The following FBXL13 variants were observed in gnomAD, a reference collection of about 807,000 sequenced individuals.
The protein encoded by FBXL13 is F-box and leucine rich repeat protein 13.
Under a neutral mutation model 83.6 loss-of-function variants are expected in FBXL13, and 67 were observed. That is an observed-to-expected ratio of 0.80 (90% confidence interval 0.66 to 0.98). FBXL13 has a LOEUF of 0.98. Ranked by LOEUF, FBXL13 falls within the 50% of genes least tolerant of loss-of-function variation. The probability of loss-of-function intolerance (pLI) is 0.00; values close to 1 mark genes in which losing one functional copy is unlikely to be tolerated. For synonymous variants in FBXL13, 272 were observed against 299.5 expected, an observed-to-expected ratio of 0.91 and a Z score of 0.95; for missense variants, 822 against 866.5, an observed-to-expected ratio of 0.95 and a Z score of 0.64.
At chr7:102,982,910 T>C (rs1460536295) in intron 6 of FBXL13, among the ~76,000 whole-genome samples, 2 of 152,226 alleles carry the variant, frequency 1.3e-5, no homozygotes, top group African/African-American at 2.4e-5. Flanking sequence ...AGAGAACTCA[T>C]GTGAATAAAC....
intron 7 of FBXL13, among the ~76,000 whole-genome samples, chr7:102,966,217 G>A (rs1033337770): frequency 2.6e-5 from 4 of 152,192 alleles, no homozygotes; most frequent in South Asian, 2.1e-4. Flanking sequence ...AGTGATTCTC[G>A]AACTTTAGCC....
chr7:102,857,720 T>C (rs2129451857), intron 16 of FBXL13: 1 of 152,064 alleles, frequency 6.6e-6, no homozygotes, highest in East Asian at 1.9e-4. Context: ...ATATGAAAAA[T>C]CATCATCAGG....
At chr7:103,017,425 C>G (rs1219272242) in intron 6 of FBXL13, among the ~76,000 whole-genome samples, 4 of 152,168 alleles carry the variant, frequency 2.6e-5, no homozygotes, top group Non-Finnish European at 5.9e-5. Context: ...CACCTCTCCC[C>G]CTCCAAAGGA....
chr7:102,981,241 A>C (rs2129483431), intron 6 of FBXL13, among the ~76,000 whole-genome samples: 1 of 152,310 alleles, frequency 6.6e-6, no homozygotes, highest in South Asian at 2.1e-4. Flanking sequence ...CATACAGAGA[A>C]AGAACAAATG....
At chr7:102,910,369 G>GT (rs1052767740) in intron 11 of FBXL13, among the ~76,000 whole-genome samples, 29 of 151,386 alleles carry the variant, frequency 1.9e-4, no homozygotes, top group African/African-American at 7.1e-4. Context: ...TTATGAAGGT[G>GT]TTTTTTCTTT....
intron 2 of FBXL13, among the ~76,000 whole-genome samples, chr7:103,034,429 G>A (rs1363542154): frequency 6.6e-6 from 1 of 152,242 alleles, no homozygotes; most frequent in Non-Finnish European, 1.5e-5. Context: ...ATTGAGCACA[G>A]CAGCTGCTGG....
chr7:102,865,281 CT>C (rs1488752504), intron 16 of FBXL13, among the ~76,000 whole-genome samples: 1 of 152,148 alleles, frequency 6.6e-6, no homozygotes, highest in African/African-American at 2.4e-5. Flanking sequence ...AAGATTTGCT[CT>C]GTTTGGTATT....
At chr7:102,866,893 C>A (rs540195314) in intron 16 of FBXL13, among the ~76,000 whole-genome samples, 17 of 152,300 alleles carry the variant, frequency 1.1e-4, no homozygotes, top group Admixed American at 2.0e-4. Flanking sequence ...TGTCTCTGCT[C>A]TTGGGAAGCT....
chr7:102,926,159 G>T, intron 10 of FBXL13, 115 bp downstream of exon 11: 2 of 772,798 alleles, frequency 2.6e-6, no homozygotes, highest in Non-Finnish European at 4.2e-6. Context: ...GAAAAGCAGT[G>T]CCACAGTGGT....
chr7:102,904,885 G>C lies in FBXL13; in HGVS notation c.1008+8201C>G, dbSNP rs144804113. Among the ~76,000 whole-genome samples the C allele has an allele frequency of 2.9e-3, 438 of 152,164 alleles. 11 individuals are homozygous for C. In the East Asian group the frequency reaches 0.048, roughly 17 times the overall value. ...TCATTGGCCCACTGGTCATTCAGGA[G>C]CATATTGTTTAACTTCCACATATTT... On this transcript the variant is annotated intron_variant, in intron 11 of 19. Coordinates refer to ENST00000313221, the Ensembl canonical transcript of FBXL13.
chr7:103,070,221 T>C (rs908552027), intron 1 of FBXL13, among the ~76,000 whole-genome samples: 1 of 152,134 alleles, frequency 6.6e-6, no homozygotes, highest in Admixed American at 6.5e-5. Flanking sequence ...TTTAATTTTA[T>C]GTATTTATTT....
intron 8 of FBXL13, among the ~76,000 whole-genome samples, chr7:102,953,673 A>G (rs1823783254): frequency 6.6e-6 from 1 of 152,194 alleles, no homozygotes; most frequent in Non-Finnish European, 1.5e-5. Context: ...TAAAAAGGTG[A>G]ATTTTATGTT....
At chr7:102,971,463 G>A (rs961095595) in intron 6 of FBXL13, among the ~76,000 whole-genome samples, 2 of 151,968 alleles carry the variant, frequency 1.3e-5, no homozygotes, top group African/African-American at 4.8e-5. Context: ...CAGGCGTGGT[G>A]GCACATGCCT....
At chr7:102,887,997 A>T (rs1026838632) in intron 11 of FBXL13, among the ~76,000 whole-genome samples, 7 of 152,332 alleles carry the variant, frequency 4.6e-5, no homozygotes, top group African/African-American at 1.2e-4. Flanking sequence ...AAGCCCTTGG[A>T]CAGTTTTTGA....
At chr7:103,034,964 G>A (rs58593428) in intron 2 of FBXL13, among the ~76,000 whole-genome samples, 1,895 of 152,248 alleles carry the variant, frequency 0.012, 39 homozygotes, top group African/African-American at 0.043. Flanking sequence ...GTGGGAAAAC[G>A]AATTAAAAGT....
At chr7:102,915,231 T>A (rs1253448537) in intron 10 of FBXL13, among the ~76,000 whole-genome samples, 1 of 151,870 alleles carries the variant, frequency 6.6e-6, no homozygotes, top group African/African-American at 2.4e-5. Flanking sequence ...TTGTTCCCTT[T>A]AAAGATGTGA....
At chr7:102,953,004 C>T (rs1231410959) in intron 8 of FBXL13, among the ~76,000 whole-genome samples, 1 of 151,898 alleles carries the variant, frequency 6.6e-6, no homozygotes, top group Non-Finnish European at 1.5e-5. Flanking sequence ...AACAAACAAA[C>T]AAACAAAAAA....
intron 7 of FBXL13, among the ~76,000 whole-genome samples, chr7:102,964,404 A>ATAT (rs796873670): frequency 1.7e-3 from 237 of 143,294 alleles, no homozygotes; most frequent in African/African-American, 5.2e-3. Flanking sequence ...ATATATATAT[A>ATAT]TTTTTTTTTT....
chr7:102,987,243 C>T (rs1370281254), intron 6 of FBXL13, among the ~76,000 whole-genome samples: 1 of 152,040 alleles, frequency 6.6e-6, no homozygotes, highest in Non-Finnish European at 1.5e-5. Flanking sequence ...TCAGATTTCA[C>T]CAGTATATAA....
Sources: allele counts gnomAD v4.1 joint callset (sites outside exome capture counted in the v4.1 genomes callset), GRCh38; gene constraint gnomAD v4.1.1; transcripts MANE v1.5; gene names NCBI Gene and HGNC (gene_info 2026-07-23, HGNC 2026-07-21).